CDH23: variants seen among roughly 807,000 people sequenced by gnomAD.
The protein encoded by CDH23 is cadherin-23.
In CDH23, 189 loss-of-function variants were observed where a neutral mutation model predicts 317.1. The ratio of observed to expected loss-of-function variants is 0.60; its 90% CI spans 0.53 to 0.67. The LOEUF (loss-of-function observed/expected upper bound fraction) is 0.67. Among genes scored for constraint, CDH23 ranks in the 30% least tolerant of loss-of-function variants. CDH23 has a pLI of 0.00. For synonymous variants in CDH23, 1,839 were observed against 1,876.8 expected (o/e 0.98, Z 0.52); for missense variants, 4,401 against 4,592.4 (o/e 0.96, Z 1.20).
chr10:71,784,574 C>G (rs1219140570), intron 42 of CDH23, among the ~76,000 whole-genome samples, 154 bp downstream of exon 42: 1 of 152,184 alleles, frequency 6.6e-6, no homozygotes, highest in Non-Finnish European at 1.5e-5. Flanking sequence ...ATAGACCTCT[C>G]GCCACATCCA....
intron 38 of CDH23, chr10:71,750,083 C>T (rs7921681): frequency 1.3e-5 from 2 of 152,296 alleles, no homozygotes; most frequent in African/African-American, 4.8e-5. Flanking sequence ...TCCTCCCCTG[C>T]TTTAAAATCC....
chr10:71,644,119 G>A (rs938596851), intron 12 of CDH23, among the ~76,000 whole-genome samples: 9 of 152,246 alleles, frequency 5.9e-5, no homozygotes, highest in African/African-American at 1.4e-4. Context: ...GTGACGGGAC[G>A]CATTCCACAC....
At chr10:71,447,723 G>A (rs560666419) in intron 3 of CDH23, among the ~76,000 whole-genome samples, 2 of 152,326 alleles carry the variant, frequency 1.3e-5, no homozygotes, top group East Asian at 3.9e-4. Context: ...CTTTCTGGGG[G>A]TAGAGAGCAT....
chr10:71,522,006 CCTCTGTAAATG>C (rs991975467), intron 6 of CDH23, among the ~76,000 whole-genome samples: 2 of 152,260 alleles, frequency 1.3e-5, no homozygotes. Context: ...CTCAGCTGCT[CCTCTGTAAATG>C]CTTGTCCTGG....
At chr10:71,786,450 A>G (rs1383503548) in intron 44 of CDH23, among the ~76,000 whole-genome samples, 6 of 150,002 alleles carry the variant, frequency 4.0e-5, no homozygotes, top group African/African-American at 9.9e-5. Flanking sequence ...CTCATAAGCT[A>G]CATGCCCCTC....
chr10:71,508,087 C>T (rs1002823720), intron 3 of CDH23: 7 of 152,264 alleles, frequency 4.6e-5, no homozygotes, highest in African/African-American at 1.7e-4. Flanking sequence ...CTTGGAGAAG[C>T]TGCTTCACCT....
rs528755232 is a variant in CDH23, at chr10:71,807,566, G to C, written c.8359G>C (p.Val2787Leu). 2 of 1,613,982 alleles carry C rather than the reference G, an allele frequency of 1.2e-6. No individual in the cohort carries two copies. Among genetic ancestry groups the C allele is most frequent in the East Asian group, 2.2e-5 (1 of 44,882 alleles). Reference sequence around the variant, plus strand: ...TCTGCAGCCCGATGGGTGTCTGCTGGTGCTGCGGGACCTGGACCGGGAGCG... The same window carrying C: ...TCTGCAGCCCGATGGGTGTCTGCTGCTGCTGCGGGACCTGGACCGGGAGCG... ...FHLQPDGCLL[V>L]LRDLDREREA... is the part of the protein sequence containing the mutation. Residue 2787 changes from valine to leucine, a missense_variant, in exon 59 of 70, where the codon GTG becomes CTG. Val to Leu is a conservative substitution (Grantham distance 32, BLOSUM62 1). Coordinates refer to ENST00000224721, the MANE Select transcript of CDH23 (RefSeq NM_022124.6).
At chr10:71,661,793 GCGCCCCCTCC>G (rs2132633965) in intron 14 of CDH23, among the ~76,000 whole-genome samples, 2 of 33,880 alleles carry the variant, frequency 5.9e-5, no homozygotes, top group African/African-American at 1.2e-4. Flanking sequence ...CCCACCCTGC[GCGCCCCCTCC>G]CACCCTGCAC....
chr10:71,759,818 T>TACACACACACACAC (rs1487599802), intron 38 of CDH23, among the ~76,000 whole-genome samples: 6,356 of 50,412 alleles, frequency 0.13, 1,129 homozygotes, highest in South Asian at 0.19. Context: ...TTTCAGAAAA[T>TACACACACACACAC]ATACACACAC....
intron 9 of CDH23, among the ~76,000 whole-genome samples, chr10:71,590,276 C>T (rs944471281): frequency 6.6e-6 from 1 of 152,262 alleles, no homozygotes; most frequent in Non-Finnish European, 1.5e-5. Flanking sequence ...AGTGAACAAA[C>T]ATTCTGGCAC....
chr10:71,439,866 C>T lies in CDH23; in HGVS notation c.35C>T (p.Ala12Val). The change falls in exon 2 of 70, where the codon GCC becomes GTC. Residue 12 changes from alanine (A) to valine (V), a missense_variant. By Grantham distance (64) the Ala-to-Val change is moderately conservative (BLOSUM62 0). Around this residue, in one of 3 missense-constraint regions of CDH23, gnomAD observed 3,068 missense variants for 3,203.3 expected, o/e 0.96. Transcript: ENST00000224721. ...CATGTTGCCACCAGCTGCCACGTGG[C>T]CTGGCTTTTGGTGCTGATCTCTGGA... ...GRHVATSCHV[A>V]WLLVLISGCW... 1.3e-6 allele frequency: 2 copies of T among 1,574,860 alleles called. No individual in the cohort carries two copies. Among genetic ancestry groups the T allele is most frequent in the South Asian group, 1.2e-5 (1 of 85,672 alleles).
At chr10:71,432,438 TGA>T (rs1489003034) in intron 1 of CDH23, among the ~76,000 whole-genome samples, 4 of 150,130 alleles carry the variant, frequency 2.7e-5, no homozygotes, top group Non-Finnish European at 4.4e-5. Context: ...AGTGTGTGTT[TGA>T]GAGCGTGTGT....
At chr10:71,442,250 C>T (rs749136816) in intron 2 of CDH23, among the ~76,000 whole-genome samples, 1 of 152,194 alleles carries the variant, frequency 6.6e-6, no homozygotes, top group Non-Finnish European at 1.5e-5. Context: ...GCCATACGCA[C>T]AAGGGTCCCT....
chr10:71,702,799 C>A (rs1865642396), intron 24 of CDH23, 105 bp downstream of exon 24: 6 of 1,352,244 alleles, frequency 4.4e-6, no homozygotes, highest in Non-Finnish European at 6.3e-6. Context: ...AGGGGAGGAG[C>A]TGGGTCTTGA....
At chr10:71,509,993 T>C in intron 3 of CDH23, 89 bp from the exon 4 acceptor site, 1 of 1,491,516 alleles carries the variant, frequency 6.7e-7, no homozygotes, top group South Asian at 1.1e-5. Flanking sequence ...GGCCACTCCC[T>C]GCTGAGAGTT....
At chr10:71,524,671 T>TC (rs1854923801) in intron 6 of CDH23, among the ~76,000 whole-genome samples, 1 of 152,148 alleles carries the variant, frequency 6.6e-6, no homozygotes, top group East Asian at 1.9e-4. Context: ...CTGTGAGGCC[T>TC]CTGTAATCAC....
intron 55 of CDH23, 27 bp downstream of exon 55, chr10:71,803,447 C>T: frequency 6.5e-7 from 1 of 1,546,592 alleles, no homozygotes; most frequent in Non-Finnish European, 8.8e-7. Flanking sequence ...GGCCTCCTGC[C>T]CACCAGTATT....
intron 3 of CDH23, among the ~76,000 whole-genome samples, chr10:71,463,680 T>G (rs1387762337): frequency 6.6e-6 from 1 of 152,200 alleles, no homozygotes; most frequent in Non-Finnish European, 1.5e-5. Flanking sequence ...CAAGCATCAG[T>G]GGGTGTGAAG....
chr10:71,741,552 T>TA, intron 37 of CDH23, 142 bp from the exon 38 acceptor site: 1 of 680,748 alleles, frequency 1.5e-6, no homozygotes, highest in Non-Finnish European at 2.6e-6. Context: ...CTATCATCCT[T>TA]ATTATCTCCA....
Sources: gnomAD v4.1 joint callset for allele counts (sites outside exome capture counted in the v4.1 genomes callset) on GRCh38, gnomAD v4.1.1 for gene constraint, gnomAD v4.1.1 regional missense constraint, MANE v1.5 for transcripts, NCBI Gene and HGNC (gene_info 2026-07-23, HGNC 2026-07-21) for gene names.